Variants in MAGI2 observed in about 807,000 individuals in gnomAD.
MAGI2 encodes membrane associated guanylate kinase, WW and PDZ domain containing 2, also known as membrane-associated guanylate kinase, WW and PDZ domain-containing protein 2.
Under a neutral mutation model 133.3 loss-of-function variants are expected in MAGI2, and 35 were observed. The observed-to-expected ratio is 0.26, with a 90% confidence interval of 0.20 to 0.35. The LOEUF (loss-of-function observed/expected upper bound fraction) is 0.35. Ranked by LOEUF, MAGI2 falls within the 10% of genes least tolerant of loss-of-function variation. The pLI, the probability that MAGI2 is intolerant of heterozygous loss-of-function variation, is 1.00. For synonymous variants in MAGI2, 729 were observed against 710.6 expected (o/e 1.03, Z -0.41); for missense variants, 1,636 against 1,863.4 (o/e 0.88, Z 2.25).
At chr7:78,118,278 G>C (rs1309305264) in intron 20 of MAGI2, among the ~76,000 whole-genome samples, 1 of 152,094 alleles carries the variant, frequency 6.6e-6, no homozygotes, top group African/African-American at 2.4e-5. Context: ...AAATCTATAA[G>C]ACCTTGGATT....
intron 1 of MAGI2, among the ~76,000 whole-genome samples, chr7:79,395,982 A>T (rs7792484): frequency 0.25 from 37,248 of 151,824 alleles, 5,891 homozygotes; most frequent in African/African-American, 0.43. Flanking sequence ...TGATTTTTTT[A>T]AATTAAAATT....
intron 1 of MAGI2, among the ~76,000 whole-genome samples, chr7:79,088,210 T>C (rs1453812029): frequency 6.6e-6 from 1 of 152,138 alleles, no homozygotes; most frequent in Admixed American, 6.6e-5. Flanking sequence ...CTACAACCCC[T>C]TGAAGAGGAC....
intron 9 of MAGI2, among the ~76,000 whole-genome samples, chr7:78,333,415 T>A (rs533403339): frequency 6.6e-6 from 1 of 151,432 alleles, no homozygotes; most frequent in Non-Finnish European, 1.5e-5. Context: ...AAAAATTTTT[T>A]GCTACTTCTC....
chr7:78,324,366 C>T (rs1788365030), intron 9 of MAGI2, among the ~76,000 whole-genome samples: 3 of 152,154 alleles, frequency 2.0e-5, no homozygotes. Flanking sequence ...ATTAAACCTC[C>T]AGTTTAGTCG....
At chr7:78,585,476 C>T (rs1393034245) in intron 3 of MAGI2, among the ~76,000 whole-genome samples, 3 of 152,096 alleles carry the variant, frequency 2.0e-5, no homozygotes, top group Admixed American at 6.5e-5. Context: ...CTGCCTGATA[C>T]GTAGTTGAAA....
chr7:78,731,686 T>C (rs1477544402), intron 2 of MAGI2, among the ~76,000 whole-genome samples: 2 of 152,138 alleles, frequency 1.3e-5, no homozygotes, highest in Non-Finnish European at 2.9e-5. Flanking sequence ...AATACAAAAA[T>C]CTTCCACTCT....
intron 2 of MAGI2, among the ~76,000 whole-genome samples, chr7:78,885,139 C>T (rs917160523): frequency 3.3e-5 from 5 of 152,052 alleles, no homozygotes; most frequent in African/African-American, 1.2e-4. Context: ...GAACAACACA[C>T]ACTGGGGACT....
At chr7:79,092,800 A>G (rs1222272863) in intron 1 of MAGI2, among the ~76,000 whole-genome samples, 2 of 151,988 alleles carry the variant, frequency 1.3e-5, no homozygotes, top group Non-Finnish European at 2.9e-5. Flanking sequence ...CCTTATTTTT[A>G]TCTCTTTTCA....
At chr7:78,219,812 A>C (rs1333910172) in intron 10 of MAGI2, among the ~76,000 whole-genome samples, 2 of 151,718 alleles carry the variant, frequency 1.3e-5, no homozygotes, top group Non-Finnish European at 2.9e-5. Flanking sequence ...TCTTCTCTCG[A>C]CTCTTGCTTC....
At chr7:78,202,917 A>G (rs891732753) in intron 10 of MAGI2, among the ~76,000 whole-genome samples, 1 of 152,124 alleles carries the variant, frequency 6.6e-6, no homozygotes, top group Non-Finnish European at 1.5e-5. Flanking sequence ...CCTTTTTGGA[A>G]AGAGTTGACA....
chr7:78,684,344 C>T (rs1007790737), intron 2 of MAGI2, among the ~76,000 whole-genome samples: 3 of 152,102 alleles, frequency 2.0e-5, no homozygotes, highest in Admixed American at 1.3e-4. Flanking sequence ...GAATCACAGC[C>T]TATGATCCCC....
intron 1 of MAGI2, among the ~76,000 whole-genome samples, chr7:79,427,786 C>A (rs116773722): frequency 0.01 from 1,559 of 152,194 alleles, 28 homozygotes; most frequent in African/African-American, 0.036. Context: ...ATGCTGAGTG[C>A]CATTTTAGGC....
At chr7:79,345,760 T>C (rs1841267197) in intron 1 of MAGI2, among the ~76,000 whole-genome samples, 1 of 152,124 alleles carries the variant, frequency 6.6e-6, no homozygotes, top group African/African-American at 2.4e-5. Context: ...AAGGATTCTG[T>C]GTGATAGTAA....
At chr7:79,136,062 A>G (rs1249590015) in intron 1 of MAGI2, among the ~76,000 whole-genome samples, 2 of 134,592 alleles carry the variant, frequency 1.5e-5, no homozygotes, top group Non-Finnish European at 3.2e-5. Context: ...AGAAAGAAAG[A>G]AAGAAGGAAA....
intron 9 of MAGI2, among the ~76,000 whole-genome samples, chr7:78,267,353 C>A (rs948004512): frequency 3.9e-5 from 6 of 152,170 alleles, no homozygotes; most frequent in Non-Finnish European, 8.8e-5. Flanking sequence ...ATATTGCATG[C>A]ACATGGGTCC....
At chr7:79,360,642 T>C (rs1157108518) in intron 1 of MAGI2, among the ~76,000 whole-genome samples, 2 of 152,060 alleles carry the variant, frequency 1.3e-5, no homozygotes, top group Non-Finnish European at 2.9e-5. Context: ...AAAATACCAG[T>C]AGACTCTTAT....
At chr7:78,149,959 C>G (rs1350039026) in intron 16 of MAGI2, among the ~76,000 whole-genome samples, 1 of 152,118 alleles carries the variant, frequency 6.6e-6, no homozygotes, top group African/African-American at 2.4e-5. Context: ...CTGCAAAAAC[C>G]TTGGGAATGC....
Position 78,019,897 on chromosome 7 carries a change from G to T in MAGI2, c.3786C>A (p.Leu1262=). 3 of 1,611,408 alleles carry T rather than the reference G, an allele frequency of 1.9e-6. No individual in the cohort carries two copies. Among genetic ancestry groups the T allele is most frequent in the South Asian group, 1.1e-5 (1 of 90,568 alleles). The part of the protein sequence containing the change: ...PEVGVSLDDG[L]APFSPSHPAP... ...CTGGATGTGATGGAGAGAATGGAGC[G>T]AGGCCGTCGTCCAGGGAGACGCCTA... Residue 1262 remains leucine, a synonymous_variant, in exon 22 of 22, where the codon CTC becomes CTA. Transcript: ENST00000354212.
intron 1 of MAGI2, among the ~76,000 whole-genome samples, chr7:79,421,613 G>A (rs1007182590): frequency 6.6e-6 from 1 of 151,698 alleles, no homozygotes; most frequent in African/African-American, 2.4e-5. Context: ...CTATCACATT[G>A]TCTACTTTTA....
Sources: gnomAD v4.1 joint callset for allele counts (sites outside exome capture counted in the v4.1 genomes callset) on GRCh38, gnomAD v4.1.1 for gene constraint, MANE v1.5 for transcripts, NCBI Gene and HGNC (gene_info 2026-07-23, HGNC 2026-07-21) for gene names.